MYOF: variants seen among roughly 807,000 people sequenced by gnomAD.
MYOF encodes the protein fer-1-like 3, myoferlin.
A neutral mutation model predicts 284.2 loss-of-function variants in MYOF; 244 were observed. The observed-to-expected ratio is 0.86, with a 90% CI of 0.77 to 0.95. The LOEUF (loss-of-function observed/expected upper bound fraction) is 0.95. Ranked by LOEUF, MYOF falls within the 40% of genes least tolerant of loss-of-function variation. MYOF has a pLI of 0.00. For missense variants in MYOF, 2,496 were observed against 2,560.6 expected (o/e 0.97, Z 0.54); for synonymous variants, 904 against 919.7 (o/e 0.98, Z 0.31).
At position 93,336,859 on chromosome 10, in the gene MYOF, A is replaced by C. The variant is rs568150454; in HGVS notation, c.4438-813T>G. 1.9e-3 allele frequency among the ~76,000 whole-genome samples: 288 copies of C among 148,036 alleles called. 2 individuals carry two copies. The highest frequency in any genetic ancestry group is 7.1e-3 in the African/African-American group (279 of 39,262). On this transcript the variant is annotated intron_variant, in intron 40 of 53. Coordinates refer to ENST00000359263, the MANE Select transcript of MYOF (RefSeq NM_013451.4). ...AAGGCAGGAAGAAAAGAAGGAAGGA[A>C]GAAGGAAAGAAAGGAAGGAAAGAGA...
chr10:93,372,830 C>T, intron 24 of MYOF, 100 bp downstream of exon 24: 6 of 1,392,064 alleles, frequency 4.3e-6, no homozygotes, highest in Non-Finnish European at 5.0e-6. Context: ...CCCAATCACC[C>T]TTACCATTCA....
intron 45 of MYOF, among the ~76,000 whole-genome samples, chr10:93,327,540 T>G (rs1362935963): frequency 1.6e-4 from 24 of 152,038 alleles, no homozygotes; most frequent in Admixed American, 1.6e-3. Flanking sequence ...AAGTTTGGGG[T>G]GATCTGTTAT....
chr10:93,369,528 G>A, intron 25 of MYOF, 117 bp downstream of exon 25: 1 of 1,412,262 alleles, frequency 7.1e-7, no homozygotes, highest in Middle Eastern at 2.1e-4. Flanking sequence ...GGATTTTAGG[G>A]GATGGTAAGG....
intron 7 of MYOF, among the ~76,000 whole-genome samples, chr10:93,407,631 G>T (rs1847674277): frequency 6.6e-6 from 1 of 150,756 alleles, no homozygotes; most frequent in South Asian, 2.1e-4. Flanking sequence ...CCAGCTACTC[G>T]GGAGGCTGAG....
intron 29 of MYOF, among the ~76,000 whole-genome samples, chr10:93,357,167 T>G (rs145921634): frequency 6.6e-6 from 1 of 152,330 alleles, no homozygotes; most frequent in East Asian, 1.9e-4. Flanking sequence ...GCTTTCTGTT[T>G]CCTCACTTCA....
At chr10:93,337,598 C>T in intron 40 of MYOF, 1 of 483,208 alleles carries the variant, frequency 2.1e-6, no homozygotes, top group Non-Finnish European at 3.6e-6. Flanking sequence ...CCCAATGTGG[C>T]AGTCACGTAA....
chr10:93,312,906 CCCA>C (rs1213764827), intron 51 of MYOF, 111 bp downstream of exon 51: 2 of 1,123,046 alleles, frequency 1.8e-6, no homozygotes, highest in African/African-American at 3.1e-5. Flanking sequence ...AACTTAAACT[CCCA>C]CCAATTTAAA....
chr10:93,415,897 A>C (rs1276572024), intron 5 of MYOF, among the ~76,000 whole-genome samples: 1 of 152,206 alleles, frequency 6.6e-6, no homozygotes, highest in Non-Finnish European at 1.5e-5. Context: ...TGCCCCCTAC[A>C]GTTACTGCTC....
chr10:93,459,865 G>C (rs1256110668), intron 1 of MYOF, among the ~76,000 whole-genome samples: 1 of 152,166 alleles, frequency 6.6e-6, no homozygotes, highest in Non-Finnish European at 1.5e-5. Flanking sequence ...GCATGAAATA[G>C]TACCACCAAT....
intron 44 of MYOF, among the ~76,000 whole-genome samples, chr10:93,329,344 C>T (rs1005342629): frequency 6.6e-6 from 1 of 152,172 alleles, no homozygotes; most frequent in African/African-American, 2.4e-5. Flanking sequence ...TGCTATCAAA[C>T]GTTGCCAGTC....
In MYOF at chr10:93,351,429, A is replaced by G. The variant is rs1406054512; in HGVS notation, c.3806T>C (p.Leu1269Pro). ...ACGDVLVTAE[L>P]ILRGKDGSNL... ...GCAATGTACCTTGCCCCTCAGAATCAGCTCTGCAGTTACAAGAACATCCCC... is the reference window on the plus strand; with the variant it reads ...GCAATGTACCTTGCCCCTCAGAATCGGCTCTGCAGTTACAAGAACATCCCC... Residue 1269 changes from leucine (L) to proline (P), a missense_variant, in exon 34 of 54, where the codon CTG (leucine) becomes CCG (proline). By Grantham distance (98) the Leu-to-Pro change is moderately conservative. Around this residue, in one of 3 missense-constraint regions of MYOF, gnomAD observed 2,436 missense variants for 2,480.7 expected, o/e 0.98. Transcript: ENST00000359263. The G allele has an allele frequency of 1.2e-6, 2 of 1,614,020 alleles. No homozygotes were observed. Among genetic ancestry groups the G allele is most frequent in the African/African-American group, 2.7e-5 (2 of 74,952 alleles).
intron 51 of MYOF, among the ~76,000 whole-genome samples, chr10:93,312,009 T>C (rs1842411811): frequency 6.6e-6 from 1 of 152,142 alleles, no homozygotes; most frequent in African/African-American, 2.4e-5. Flanking sequence ...TTCTGGATCT[T>C]GATTATGGTT....
intron 13 of MYOF, among the ~76,000 whole-genome samples, chr10:93,397,953 T>TCCTGGAATGTCTTCAAGCC (rs1847102489): frequency 6.6e-6 from 1 of 152,062 alleles, no homozygotes; most frequent in Admixed American, 6.5e-5. Context: ...GTCTTCAAGC[T>TCCTGGAATGTCTTCAAGCC]GATCCTGAAA....
rs1426523083 is a variant in MYOF, at chr10:93,443,690, C to T, written c.236+8360G>A. On this transcript the variant is annotated intron_variant, in intron 3 of 53. Coordinates refer to ENST00000359263, the MANE Select transcript of MYOF (RefSeq NM_013451.4). ...CTCTCAGGGCTCACCTCATTTATCT[C>T]CCATCTCTTAGAGATCACTGTTCTG... is the stretch of plus-strand genomic sequence containing the variant. Among the ~76,000 whole-genome samples the T allele has an allele frequency of 2.0e-5, 3 of 152,166 alleles. No homozygotes were observed. In the East Asian group the frequency reaches 5.8e-4, roughly 29 times the overall value.
At chr10:93,352,672 G>C (rs1194885406) in intron 32 of MYOF, among the ~76,000 whole-genome samples, 1 of 152,186 alleles carries the variant, frequency 6.6e-6, no homozygotes. Flanking sequence ...AGCCAAAAGT[G>C]CTTGGTTTCT....
intron 21 of MYOF, among the ~76,000 whole-genome samples, chr10:93,379,480 C>CTGTATG (rs1846012445): frequency 6.6e-6 from 1 of 152,146 alleles, no homozygotes; most frequent in African/African-American, 2.4e-5. Flanking sequence ...GGATTCTGGC[C>CTGTATG]AGTGGAAAGT....
chr10:93,463,394 A>AATTTTTTTT (rs34592074), intron 1 of MYOF, among the ~76,000 whole-genome samples: 19 of 78,932 alleles, frequency 2.4e-4, no homozygotes, highest in Non-Finnish European at 3.7e-4. Flanking sequence ...GTCTCTACAA[A>AATTTTTTTT]TTTTTTTTTT....
At chr10:93,344,726 TAAAAAAAAAAA>T (rs3081452) in intron 37 of MYOF, among the ~76,000 whole-genome samples, 2 of 76,228 alleles carry the variant, frequency 2.6e-5, no homozygotes, top group African/African-American at 9.2e-5. Flanking sequence ...GAACTTAAAT[TAAAAAAAAAAA>T]AAAAAAAAAA....
intron 3 of MYOF, among the ~76,000 whole-genome samples, chr10:93,437,016 G>C (rs1849155600): frequency 6.6e-6 from 1 of 152,138 alleles, no homozygotes; most frequent in Non-Finnish European, 1.5e-5. Context: ...TGGCCCTCCA[G>C]CTTTCCTTGT....
Sources: gnomAD v4.1 joint callset for allele counts (sites outside exome capture counted in the v4.1 genomes callset) on GRCh38, gnomAD v4.1.1 for gene constraint, gnomAD v4.1.1 regional missense constraint, MANE v1.5 for transcripts, NCBI Gene and HGNC (gene_info 2026-07-23, HGNC 2026-07-21) for gene names.